Variants in TSC22D1 observed in about 807,000 individuals in gnomAD.
TSC22D1 encodes TSC22 domain family protein 1.
Under a neutral mutation model 74.2 loss-of-function variants are expected in TSC22D1, and 9 were observed. The observed-to-expected ratio is 0.12, with a 90% confidence interval of 0.07 to 0.21. The LOEUF is 0.21. Ranked by LOEUF, TSC22D1 falls within the 10% of genes least tolerant of loss-of-function variation. TSC22D1 has a pLI of 1.00. For synonymous variants in TSC22D1, 586 were observed against 492.5 expected, an observed-to-expected ratio of 1.19 and a Z score of -2.51; for missense variants, 1,427 against 1,304.7, an observed-to-expected ratio of 1.09 and a Z score of -1.44.
intron 1 of TSC22D1, among the ~76,000 whole-genome samples, chr13:44,495,740 G>A (rs1323549861): frequency 1.3e-5 from 2 of 152,122 alleles, no homozygotes; most frequent in Non-Finnish European, 2.9e-5. Context: ...AGGGTGTCAA[G>A]ACCATCCAAA....
rs76871051 is a variant in TSC22D1, at chr13:44,493,545, G to A, written c.2913-57450C>T. The stretch of plus-strand genomic sequence containing the variant: ...TGCAGCCTGGGAAGAAAGATTCTTT[G>A]GAGATTTAGTGCATTGAAAAGCTGC... On this transcript the variant is annotated intron_variant, in intron 1 of 2. Transcript: ENST00000458659. Among the ~76,000 whole-genome samples, 131 of 152,254 alleles carry A rather than the reference G, an allele frequency of 8.6e-4. 2 individuals are homozygous for A. The East Asian group carries it at 0.024, about 28-fold the overall frequency.
At chr13:44,515,598 C>T (rs2138022450) in intron 1 of TSC22D1, among the ~76,000 whole-genome samples, 1 of 152,182 alleles carries the variant, frequency 6.6e-6, no homozygotes, top group African/African-American at 2.4e-5. Context: ...CCACCATACC[C>T]GGCTAATTTT....
intron 1 of TSC22D1, among the ~76,000 whole-genome samples, chr13:44,498,676 A>G (rs765179094): frequency 2.6e-5 from 4 of 152,200 alleles, no homozygotes; most frequent in Non-Finnish European, 4.4e-5. Context: ...TCAGTCAAGC[A>G]TAAAATAATT....
chr13:44,444,320 A>AAAAAAAAAAAAAACAAAAAAAAAAAG (rs1875460887), intron 1 of TSC22D1, among the ~76,000 whole-genome samples: 1 of 126,222 alleles, frequency 7.9e-6, no homozygotes, highest in Non-Finnish European at 1.7e-5. Context: ...AAAAGAAAAG[A>AAAAAAAAAAAAAACAAAAAAAAAAAG]AAAAGAAAAA....
At chr13:44,462,514 C>T (rs1391754353) in intron 1 of TSC22D1, among the ~76,000 whole-genome samples, 2 of 152,052 alleles carry the variant, frequency 1.3e-5, no homozygotes, top group East Asian at 3.9e-4. Context: ...ATATTCTGGC[C>T]CACACTACTT....
At chr13:44,473,316 G>A (rs944525345) in intron 1 of TSC22D1, among the ~76,000 whole-genome samples, 4 of 151,978 alleles carry the variant, frequency 2.6e-5, no homozygotes, top group Non-Finnish European at 5.9e-5. Context: ...GCAACATGGT[G>A]AAAACCCATC....
At chr13:44,478,924 T>C (rs936844270) in intron 1 of TSC22D1, among the ~76,000 whole-genome samples, 1 of 152,180 alleles carries the variant, frequency 6.6e-6, no homozygotes, top group African/African-American at 2.4e-5. Flanking sequence ...TATTTATGTA[T>C]GTGTGTATGT....
At chr13:44,544,875 A>C (rs938165079) in intron 1 of TSC22D1, among the ~76,000 whole-genome samples, 1 of 152,204 alleles carries the variant, frequency 6.6e-6, no homozygotes, top group African/African-American at 2.4e-5. Flanking sequence ...GTAGAAGATG[A>C]AGTAAAACAG....
intron 1 of TSC22D1, among the ~76,000 whole-genome samples, chr13:44,526,055 C>T (rs1343400027): frequency 1.3e-5 from 2 of 152,002 alleles, no homozygotes; most frequent in Non-Finnish European, 2.9e-5. Context: ...TTAGCCAAGA[C>T]TGTGCCACTG....
chr13:44,540,619 C>T (rs772155450), intron 1 of TSC22D1, among the ~76,000 whole-genome samples: 1 of 152,084 alleles, frequency 6.6e-6, no homozygotes, highest in Non-Finnish European at 1.5e-5. Context: ...TAATCATTTT[C>T]TTTTGGGTCA....
intron 1 of TSC22D1, among the ~76,000 whole-genome samples, chr13:44,543,196 G>C (rs564789890): frequency 6.6e-6 from 1 of 151,998 alleles, no homozygotes; most frequent in South Asian, 2.1e-4. Flanking sequence ...TTTATGAGAA[G>C]TACATCAAAT....
intron 1 of TSC22D1, among the ~76,000 whole-genome samples, chr13:44,466,827 T>A (rs535844599): frequency 6.6e-6 from 1 of 151,364 alleles, no homozygotes; most frequent in Non-Finnish European, 1.5e-5. Context: ...TCAAACCTTA[T>A]GAATTAGAAT....
intron 1 of TSC22D1, among the ~76,000 whole-genome samples, chr13:44,440,578 G>A: frequency 7.5e-6 from 1 of 132,536 alleles, no homozygotes; most frequent in African/African-American, 3.0e-5. Flanking sequence ...ACAGGGCAAG[G>A]CTCTGTCTCA....
At chr13:44,485,789 T>C (rs1462552179) in intron 1 of TSC22D1, among the ~76,000 whole-genome samples, 1 of 152,086 alleles carries the variant, frequency 6.6e-6, no homozygotes, top group Non-Finnish European at 1.5e-5. Flanking sequence ...ACATTACCTA[T>C]ATAAAATACT....
chr13:44,511,283 C>CA (rs201481501), intron 1 of TSC22D1, among the ~76,000 whole-genome samples: 169 of 149,550 alleles, frequency 1.1e-3, no homozygotes, highest in Middle Eastern at 6.9e-3. Flanking sequence ...GAACCTGTTT[C>CA]AAAAAAAAAC....
intron 1 of TSC22D1, among the ~76,000 whole-genome samples, chr13:44,511,240 C>T (rs1457206824): frequency 6.6e-6 from 1 of 152,024 alleles, no homozygotes; most frequent in Non-Finnish European, 1.5e-5. Context: ...ACCATGATCA[C>T]ACCACTACAC....
chr13:44,573,415 G>T lies in TSC22D1; in HGVS notation c.2660C>A (p.Ala887Glu). 6.2e-7 allele frequency: 1 copy of T among 1,614,252 alleles called. No individual in the cohort carries two copies. Among genetic ancestry groups the T allele is most frequent in the Non-Finnish European group, 8.5e-7 (1 of 1,180,048 alleles). Residue 887 changes from alanine (A) to glutamate (E), a missense_variant, in exon 1 of 3, where the codon GCA (alanine) becomes GAA (glutamate). Ala to Glu is a moderately radical substitution (Grantham distance 107). Transcript: ENST00000458659. ...GGTAGAACTTAGTGGTATCTGTTGT[G>T]CCAAAGGCAAATTTGTATTAGTTGC... ...LIATNTNLPL[A>E]QQIPLSSTQF...
At chr13:44,528,453 G>T (rs1010957889) in intron 1 of TSC22D1, among the ~76,000 whole-genome samples, 1 of 151,598 alleles carries the variant, frequency 6.6e-6, no homozygotes, top group African/African-American at 2.4e-5. Context: ...ATATAACATC[G>T]GTCAAAGAAG....
At chr13:44,450,480 CAA>C (rs1876036211) in intron 1 of TSC22D1, among the ~76,000 whole-genome samples, 1 of 152,034 alleles carries the variant, frequency 6.6e-6, no homozygotes, top group Non-Finnish European at 1.5e-5. Context: ...TATAAGACTA[CAA>C]GAGATGGAAC....
Sources: allele counts gnomAD v4.1 joint callset (sites outside exome capture counted in the v4.1 genomes callset), GRCh38; gene constraint gnomAD v4.1.1; transcripts MANE v1.5; gene names NCBI Gene and HGNC (gene_info 2026-07-23, HGNC 2026-07-21).